LDB2: variants seen among roughly 807,000 people sequenced by gnomAD.
LDB2 encodes LIM domain-binding protein 2.
Under a neutral mutation model 44.3 loss-of-function variants are expected in LDB2, and 12 were observed. That is an observed-to-expected ratio of 0.27 (90% CI 0.17 to 0.44). The LOEUF is 0.44. Ranked by LOEUF, LDB2 falls within the 20% of genes least tolerant of loss-of-function variation. The pLI is 1.00. For synonymous variants in LDB2, 164 were observed against 174.8 expected, an observed-to-expected ratio of 0.94 and a Z score of 0.49; for missense variants, 344 against 473.5, an observed-to-expected ratio of 0.73 and a Z score of 2.54.
chr4:16,812,571 A>T (rs1408468339), intron 1 of LDB2, among the ~76,000 whole-genome samples: 2 of 119,466 alleles, frequency 1.7e-5, no homozygotes, highest in Non-Finnish European at 3.3e-5. Context: ...TTGAGGCTGG[A>T]ATCAATGAAA....
At chr4:16,809,759 A>T (rs1779470350) in intron 1 of LDB2, among the ~76,000 whole-genome samples, 1 of 152,128 alleles carries the variant, frequency 6.6e-6, no homozygotes, top group African/African-American at 2.4e-5. Flanking sequence ...AAACGGAACT[A>T]CATGGGACTC....
chr4:16,650,164 CT>C (rs1375635948), intron 2 of LDB2, among the ~76,000 whole-genome samples: 4 of 152,194 alleles, frequency 2.6e-5, no homozygotes, highest in Admixed American at 6.5e-5. Context: ...CACTTCCAAG[CT>C]CTGTGACCTT....
intron 2 of LDB2, among the ~76,000 whole-genome samples, chr4:16,701,587 G>A (rs1479667357): frequency 2.0e-5 from 3 of 152,168 alleles, no homozygotes; most frequent in African/African-American, 2.4e-5. Flanking sequence ...TATAAATGAG[G>A]AAATTAAAAT....
At chr4:16,600,864 A>T (rs1722390919) in intron 2 of LDB2, among the ~76,000 whole-genome samples, 2 of 152,148 alleles carry the variant, frequency 1.3e-5, no homozygotes. Context: ...CCTTGTTTAG[A>T]AACAAAATGG....
chr4:16,692,406 T>C (rs769094492), intron 2 of LDB2, among the ~76,000 whole-genome samples: 2 of 152,154 alleles, frequency 1.3e-5, no homozygotes, highest in Non-Finnish European at 2.9e-5. Flanking sequence ...CCCTTAGGGA[T>C]GTATCTAGTC....
chr4:16,668,624 C>T (rs1426202011), intron 2 of LDB2, among the ~76,000 whole-genome samples: 1 of 152,152 alleles, frequency 6.6e-6, no homozygotes, highest in African/African-American at 2.4e-5. Flanking sequence ...TATCCTAAGC[C>T]CTTACTACAT....
chr4:16,672,464 C>G (rs957619839), intron 2 of LDB2, among the ~76,000 whole-genome samples: 1 of 152,220 alleles, frequency 6.6e-6, no homozygotes, highest in Non-Finnish European at 1.5e-5. Flanking sequence ...TAGCTCAACC[C>G]TTGCCCAGAG....
At chr4:16,570,092 A>G (rs966014518) in intron 5 of LDB2, among the ~76,000 whole-genome samples, 7 of 152,188 alleles carry the variant, frequency 4.6e-5, no homozygotes, top group Non-Finnish European at 8.8e-5. Context: ...AATTAAAATG[A>G]TTGACCCTCT....
chr4:16,885,244 G>A (rs1453148634), intron 1 of LDB2, among the ~76,000 whole-genome samples: 1 of 151,552 alleles, frequency 6.6e-6, no homozygotes, highest in Non-Finnish European at 1.5e-5. Flanking sequence ...GCTAAGGTGT[G>A]AGAAATTCGA....
chr4:16,785,546 G>A (rs564749478), intron 1 of LDB2, among the ~76,000 whole-genome samples: 13 of 152,246 alleles, frequency 8.5e-5, no homozygotes, highest in African/African-American at 1.9e-4. Context: ...TGCAATGGCC[G>A]GGCAGCAGCC....
intron 2 of LDB2, among the ~76,000 whole-genome samples, chr4:16,681,895 C>T (rs1027538570): frequency 6.6e-6 from 1 of 152,094 alleles, no homozygotes; most frequent in African/African-American, 2.4e-5. Context: ...TAACAACATA[C>T]ATTGATTCCA....
At chr4:16,550,457 C>A (rs1737271910) in intron 5 of LDB2, among the ~76,000 whole-genome samples, 3 of 152,174 alleles carry the variant, frequency 2.0e-5, no homozygotes, top group Middle Eastern at 3.2e-3. Flanking sequence ...CTCTCAGAAG[C>A]AAATGGAGAG....
At position 16,876,397 on chromosome 4, in the gene LDB2, G is replaced by A. The variant is rs562303127; in HGVS notation, c.132+21957C>T. On this transcript the variant is annotated intron_variant, in intron 1 of 7. Coordinates refer to ENST00000304523, the MANE Select transcript of LDB2 (RefSeq NM_001290.5). Reference sequence around the variant, plus strand: ...AACTTGGTAGATATAAAAGAGTTACGGCAGCTAGAGCCTGGAGTTTAAAAG... The same window carrying A: ...AACTTGGTAGATATAAAAGAGTTACAGCAGCTAGAGCCTGGAGTTTAAAAG... 9.9e-5 allele frequency among the ~76,000 whole-genome samples: 15 copies of A among 152,268 alleles called. No individual in the cohort carries two copies. In the South Asian group the frequency reaches 2.9e-3, roughly 29 times the overall value.
intron 5 of LDB2, among the ~76,000 whole-genome samples, chr4:16,571,885 A>G (rs1280189178): frequency 6.6e-6 from 1 of 152,240 alleles, no homozygotes. Context: ...CAGGGACATT[A>G]GGTTCATATG....
At chr4:16,608,206 C>CAAAAAAAAAAAAAAAAAAAAAAAAATAA (rs71649969) in intron 2 of LDB2, among the ~76,000 whole-genome samples, 1 of 68,484 alleles carries the variant, frequency 1.5e-5, no homozygotes. Context: ...CACACTTCTT[C>CAAAAAAAAAAAAAAAAAAAAAAAAATAA]AAAAAAAAAA....
intron 2 of LDB2, among the ~76,000 whole-genome samples, chr4:16,682,586 G>A (rs754785272): frequency 6.6e-6 from 1 of 152,156 alleles, no homozygotes; most frequent in Non-Finnish European, 1.5e-5. Flanking sequence ...GCCTCCCCAC[G>A]CCTGATGTTT....
intron 2 of LDB2, among the ~76,000 whole-genome samples, chr4:16,747,400 A>G (rs961369081): frequency 1.5e-4 from 23 of 152,244 alleles, no homozygotes; most frequent in African/African-American, 5.5e-4. Context: ...TTACATAATC[A>G]GTGAAACACC....
At chr4:16,674,144 A>G (rs1745640952) in intron 2 of LDB2, 2 of 812,950 alleles carry the variant, frequency 2.5e-6, no homozygotes, top group South Asian at 2.9e-5. Context: ...TTCCCATTTT[A>G]CGCATTTCCA....
chr4:16,630,944 C>G (rs1181034846), intron 2 of LDB2, among the ~76,000 whole-genome samples: 1 of 152,298 alleles, frequency 6.6e-6, no homozygotes, highest in Admixed American at 6.5e-5. Context: ...AAAGCAAGTT[C>G]TTAGAGACCT....
Sources: allele counts gnomAD v4.1 joint callset (sites outside exome capture counted in the v4.1 genomes callset), GRCh38; gene constraint gnomAD v4.1.1; transcripts MANE v1.5; gene names NCBI Gene and HGNC (gene_info 2026-07-23, HGNC 2026-07-21).